FGGY: variants seen among roughly 807,000 people sequenced by gnomAD.
FGGY encodes FGGY carbohydrate kinase domain-containing protein.
In FGGY, 72 loss-of-function variants were observed where a neutral mutation model predicts 71.3. The ratio of observed to expected loss-of-function variants is 1.01; its 90% CI spans 0.84 to 1.23. FGGY has a LOEUF of 1.23. FGGY is among the 50% of genes most tolerant of loss of function. FGGY has a pLI of 0.00. For synonymous variants in FGGY, 251 were observed against 250.3 expected, an observed-to-expected ratio of 1.00 and a Z score of -0.02; for missense variants, 668 against 682.3, an observed-to-expected ratio of 0.98 and a Z score of 0.23.
intron 2 of FGGY, among the ~76,000 whole-genome samples, chr1:59,329,191 C>T (rs1052026172): frequency 3.3e-5 from 5 of 152,138 alleles, no homozygotes; most frequent in Non-Finnish European, 7.3e-5. Context: ...AGTTCCAGAC[C>T]ACTGCCACAA....
intron 7 of FGGY, among the ~76,000 whole-genome samples, chr1:59,530,599 G>C (rs533760198): frequency 6.6e-6 from 1 of 152,218 alleles, no homozygotes; most frequent in South Asian, 2.1e-4. Context: ...AAAAATGATT[G>C]GTTTGACACT....
intron 14 of FGGY, among the ~76,000 whole-genome samples, chr1:59,743,740 G>C (rs1296071904): frequency 2.0e-5 from 3 of 151,934 alleles, no homozygotes; most frequent in Non-Finnish European, 4.4e-5. Context: ...TGTTTTCTTT[G>C]TTTGTTTTAA....
At chr1:59,558,804 C>T (rs2095736483) in intron 8 of FGGY, among the ~76,000 whole-genome samples, 1 of 129,288 alleles carries the variant, frequency 7.7e-6, no homozygotes, top group Non-Finnish European at 1.6e-5. Context: ...CCTCATAAGA[C>T]AGACACTCCC....
chr1:59,730,790 G>A (rs1368731953), intron 14 of FGGY, among the ~76,000 whole-genome samples: 1 of 152,230 alleles, frequency 6.6e-6, no homozygotes, highest in Admixed American at 6.5e-5. Flanking sequence ...CATCACCTGA[G>A]TTGAGTTGTA....
At chr1:59,449,788 C>A (rs1006617563) in intron 5 of FGGY, among the ~76,000 whole-genome samples, 1 of 151,866 alleles carries the variant, frequency 6.6e-6, no homozygotes, top group Non-Finnish European at 1.5e-5. Flanking sequence ...CATAGTGAGA[C>A]CCCCATCTCT....
intron 11 of FGGY, among the ~76,000 whole-genome samples, chr1:59,654,023 C>T (rs2097195669): frequency 6.6e-6 from 1 of 152,150 alleles, no homozygotes; most frequent in South Asian, 2.1e-4. Flanking sequence ...CTGCCCAGTT[C>T]CTTTAAAGCA....
chr1:59,476,409 T>A (rs1208395096), intron 6 of FGGY, among the ~76,000 whole-genome samples: 1 of 152,214 alleles, frequency 6.6e-6, no homozygotes, highest in Non-Finnish European at 1.5e-5. Context: ...TTGCTCAAGG[T>A]CACACAGTAA....
chr1:59,330,878 G>C (rs2048340738), intron 2 of FGGY, among the ~76,000 whole-genome samples: 1 of 152,118 alleles, frequency 6.6e-6, no homozygotes, highest in African/African-American at 2.4e-5. Flanking sequence ...AGATTGACCA[G>C]TCTTGCAACA....
chr1:59,422,679 G>A (rs928319987), intron 5 of FGGY, among the ~76,000 whole-genome samples: 2 of 149,374 alleles, frequency 1.3e-5, no homozygotes, highest in East Asian at 2.0e-4. Context: ...GGGTGACAGC[G>A]AGACCCTGTC....
intron 2 of FGGY, among the ~76,000 whole-genome samples, chr1:59,322,532 C>T (rs1288777636): frequency 6.6e-6 from 1 of 152,166 alleles, no homozygotes; most frequent in Non-Finnish European, 1.5e-5. Context: ...TTGGACTCTG[C>T]TGCCTTCCAA....
intron 5 of FGGY, among the ~76,000 whole-genome samples, chr1:59,414,122 A>C (rs1220712371): frequency 6.6e-6 from 1 of 152,192 alleles, no homozygotes; most frequent in Non-Finnish European, 1.5e-5. Context: ...GTACTAGTTA[A>C]GGGAAAATGA....
At chr1:59,643,522 A>G (rs1024182835) in intron 11 of FGGY, among the ~76,000 whole-genome samples, 1 of 152,180 alleles carries the variant, frequency 6.6e-6, no homozygotes, top group Admixed American at 6.5e-5. Flanking sequence ...GCATATCTCT[A>G]TGAAATAGGC....
chr1:59,638,250 T>A lies in FGGY; in HGVS notation c.1096T>A (p.Leu366Met). 6.2e-7 allele frequency: 1 copy of A among 1,614,170 alleles called. No homozygotes were observed. Among genetic ancestry groups the A allele is most frequent in the Non-Finnish European group, 8.5e-7 (1 of 1,180,012 alleles). Residue 366 changes from leucine to methionine, a missense_variant, in exon 11 of 16, where the codon TTG (leucine) becomes ATG (methionine). Physicochemically the swap from Leu to Met is conservative, Grantham distance 15 (BLOSUM62 2). Around this residue, in one of 2 missense-constraint regions of FGGY, gnomAD observed 661 missense variants for 661.6 expected, o/e 1.00. Coordinates refer to ENST00000303721, the MANE Select transcript of FGGY (RefSeq NM_018291.5). ...TARCQSIYAY[L>M]NSHLDLIKKA... ...CAGATGCCAGAGTATATATGCATATTTGAACAGTCACCTGGATCTGATTAA... is the reference window on the plus strand; with the variant it reads ...CAGATGCCAGAGTATATATGCATATATGAACAGTCACCTGGATCTGATTAA...
chr1:59,438,987 A>AT (rs937922395), intron 5 of FGGY, among the ~76,000 whole-genome samples: 4 of 152,136 alleles, frequency 2.6e-5, no homozygotes, highest in African/African-American at 7.2e-5. Flanking sequence ...TATCTCATGA[A>AT]TTTTTTATAT....
At chr1:59,358,925 G>A (rs905686377) in intron 4 of FGGY, among the ~76,000 whole-genome samples, 6 of 152,204 alleles carry the variant, frequency 3.9e-5, no homozygotes, top group Non-Finnish European at 8.8e-5. Flanking sequence ...TGAGGATGGA[G>A]GGAGTTAAGT....
chr1:59,665,679 C>CTT (rs796736797), intron 12 of FGGY, among the ~76,000 whole-genome samples: 1 of 145,470 alleles, frequency 6.9e-6, no homozygotes, highest in Non-Finnish European at 1.5e-5. Flanking sequence ...AACCCTGTTC[C>CTT]TTTTTTTTTT....
At chr1:59,585,894 C>T (rs1401522804) in intron 8 of FGGY, among the ~76,000 whole-genome samples, 9 of 152,104 alleles carry the variant, frequency 5.9e-5, no homozygotes, top group Non-Finnish European at 1.0e-4. Context: ...ATTTATGCAG[C>T]CAAAAGGCAC....
chr1:59,657,232 AC>A (rs757024532), intron 11 of FGGY, among the ~76,000 whole-genome samples: 1 of 152,136 alleles, frequency 6.6e-6, no homozygotes, highest in East Asian at 1.9e-4. Context: ...GTCATATTTT[AC>A]CCCCACTCCC....
intron 9 of FGGY, among the ~76,000 whole-genome samples, chr1:59,613,883 A>T (rs971587316): frequency 1.3e-5 from 2 of 152,228 alleles, no homozygotes; most frequent in Non-Finnish European, 2.9e-5. Flanking sequence ...TATGCAAATA[A>T]ACTAGAAAAT....
Sources: allele counts gnomAD v4.1 joint callset (sites outside exome capture counted in the v4.1 genomes callset), GRCh38; gene constraint gnomAD v4.1.1; regional missense constraint gnomAD v4.1.1; transcripts MANE v1.5; gene names NCBI Gene and HGNC (gene_info 2026-07-23, HGNC 2026-07-21).